The following PRKCZ variants were observed in gnomAD, a reference collection of about 807,000 sequenced individuals.
PRKCZ encodes protein kinase C zeta type.
A neutral mutation model predicts 79.5 loss-of-function variants in PRKCZ; 33 were observed. The observed-to-expected ratio is 0.41, with a 90% CI of 0.31 to 0.55. PRKCZ has a LOEUF of 0.55. Ranked by LOEUF, PRKCZ falls within the 20% of genes least tolerant of loss-of-function variation. The probability of loss-of-function intolerance (pLI) is 0.19; values close to 1 mark genes in which losing one functional copy is unlikely to be tolerated. For missense variants in PRKCZ, 578 were observed against 813.5 expected, an observed-to-expected ratio of 0.71 and a Z score of 3.52; for synonymous variants, 342 against 320.9, an observed-to-expected ratio of 1.07 and a Z score of -0.70.
At chr1:2,077,617 TGTAAG>T (rs1662684025) in intron 4 of PRKCZ, among the ~76,000 whole-genome samples, 1 of 152,226 alleles carries the variant, frequency 6.6e-6, no homozygotes, top group South Asian at 2.1e-4. Context: ...TATTTTCTAT[TGTAAG>T]GTGTTGATAG....
At chr1:2,051,327 A>G (rs558055328) in intron 1 of PRKCZ, among the ~76,000 whole-genome samples, 1 of 151,668 alleles carries the variant, frequency 6.6e-6, no homozygotes, top group African/African-American at 2.4e-5. Context: ...GGGGTCCTGG[A>G]CTCTTGGCCG....
At chr1:2,065,648 C>G (rs1165261937) in intron 4 of PRKCZ, among the ~76,000 whole-genome samples, 2 of 145,468 alleles carry the variant, frequency 1.4e-5, no homozygotes, top group Non-Finnish European at 3.0e-5. Flanking sequence ...CACTGCACTC[C>G]TGCCTGGGCA....
At chr1:2,171,962 T>C in intron 11 of PRKCZ, 93 bp from the exon 12 acceptor site, 1 of 1,445,008 alleles carries the variant, frequency 6.9e-7, no homozygotes, top group African/African-American at 1.4e-5. Flanking sequence ...GGGCCCGTGG[T>C]GGGGCAAACG....
intron 4 of PRKCZ, among the ~76,000 whole-genome samples, chr1:2,119,999 G>A (rs777217036): frequency 9.2e-5 from 14 of 152,052 alleles, no homozygotes; most frequent in Non-Finnish European, 1.9e-4. Flanking sequence ...TCTGGAGGGT[G>A]TTCTCCACTC....
In PRKCZ at chr1:2,128,460, G is replaced by A. The variant is rs113958974; in HGVS notation, c.335-6802G>A. 3.3e-5 allele frequency among the ~76,000 whole-genome samples: 5 copies of A among 152,320 alleles called. No individual in the cohort carries two copies. The highest frequency in any genetic ancestry group is 3.9e-4 in the East Asian group (2 of 5,182). ...TAGTGTTTTAAAACGTGTTTTCTAC[G>A]TCTTGTCAGAGTGCTCAAGGCGCGA... On this transcript the variant is annotated intron_variant, in intron 4 of 17. Coordinates refer to ENST00000378567, the MANE Select transcript of PRKCZ (RefSeq NM_002744.6). The surrounding 1 kb of genome is among the most constrained non-coding windows in gnomAD (Gnocchi z 6.5).
chr1:2,120,036 GT>G (rs1671547039), intron 4 of PRKCZ, among the ~76,000 whole-genome samples: 1 of 152,066 alleles, frequency 6.6e-6, no homozygotes, highest in Non-Finnish European at 1.5e-5. Flanking sequence ...CAGGTAGGGG[GT>G]TTCCCCCAAC....
In PRKCZ at chr1:2,174,877, G is replaced by A; in HGVS notation, c.1485+44G>A. On this transcript the variant is annotated intron_variant, in intron 15 of 17. Transcript: ENST00000378567. The surrounding 1 kb of genome is among the most constrained non-coding windows in gnomAD (Gnocchi z 6.2). ...TGACAAAATCTCGTTTGTGGCCTCG[G>A]TGTTGGTGGGCAGAGGGCCAGGCAC... is the stretch of plus-strand genomic sequence containing the variant. 6.3e-7 allele frequency: 1 copy of A among 1,589,510 alleles called. No homozygotes were observed. The highest frequency in any genetic ancestry group is 8.6e-7 in the Non-Finnish European group (1 of 1,158,152).
intron 1 of PRKCZ, among the ~76,000 whole-genome samples, chr1:2,053,707 G>A (rs986603890): frequency 6.6e-6 from 1 of 152,220 alleles, no homozygotes; most frequent in East Asian, 1.9e-4. Flanking sequence ...GGGGCAGGAA[G>A]AGGTCAAAGG....
At chr1:2,158,565 G>A (rs910599585) in intron 10 of PRKCZ, among the ~76,000 whole-genome samples, 8 of 152,210 alleles carry the variant, frequency 5.3e-5, no homozygotes, top group African/African-American at 9.7e-5. Context: ...CATCCCTTGC[G>A]ATTTGGGAAT....
At chr1:2,119,464 C>T (rs1425718247) in intron 4 of PRKCZ, among the ~76,000 whole-genome samples, 2 of 152,142 alleles carry the variant, frequency 1.3e-5, no homozygotes, top group African/African-American at 4.8e-5. Context: ...ATCTGTCTGC[C>T]TTGGCCTCCC....
intron 4 of PRKCZ, among the ~76,000 whole-genome samples, chr1:2,084,425 T>G (rs1249115825): frequency 1.3e-5 from 2 of 152,212 alleles, no homozygotes; most frequent in African/African-American, 4.8e-5. Flanking sequence ...CTGCCTGGTC[T>G]CTGGGACCCC....
chr1:2,180,774 C>T (rs1327343288), intron 16 of PRKCZ, among the ~76,000 whole-genome samples: 3 of 152,172 alleles, frequency 2.0e-5, no homozygotes, highest in South Asian at 2.1e-4. Flanking sequence ...GTGGTTTGGG[C>T]ACCAGGAGCC....
intron 4 of PRKCZ, among the ~76,000 whole-genome samples, chr1:2,124,535 T>G (rs1245093428): frequency 6.6e-6 from 1 of 152,070 alleles, no homozygotes; most frequent in African/African-American, 2.4e-5. Context: ...ATGGTGAGCA[T>G]GAGGCCGCCA....
At chr1:2,120,276 T>G (rs985054878) in intron 4 of PRKCZ, among the ~76,000 whole-genome samples, 1 of 144,058 alleles carries the variant, frequency 6.9e-6, no homozygotes, top group African/African-American at 2.5e-5. Flanking sequence ...TTGGAAAATA[T>G]CAGCCCTTGA....
chr1:2,060,021 A>C (rs1367950056), intron 4 of PRKCZ, among the ~76,000 whole-genome samples: 4 of 151,990 alleles, frequency 2.6e-5, no homozygotes, highest in East Asian at 3.9e-4. Context: ...GAGGAAGGAG[A>C]GTGAGTCCCG....
intron 4 of PRKCZ, among the ~76,000 whole-genome samples, chr1:2,134,523 C>A (rs1388555089): frequency 6.6e-6 from 1 of 152,214 alleles, no homozygotes; most frequent in East Asian, 1.9e-4. Flanking sequence ...GACCAGCCGT[C>A]TGGTTACAGG....
At chr1:2,085,726 C>T (rs1206670253) in intron 4 of PRKCZ, among the ~76,000 whole-genome samples, 16 of 138,694 alleles carry the variant, frequency 1.2e-4, no homozygotes, top group Non-Finnish European at 1.9e-4. Context: ...TCTCAGAGCC[C>T]GTGAGGCACC....
chr1:2,164,256 G>A (rs1024159807), intron 10 of PRKCZ, among the ~76,000 whole-genome samples: 1 of 152,220 alleles, frequency 6.6e-6, no homozygotes, highest in South Asian at 2.1e-4. Flanking sequence ...AGGCCTTGGG[G>A]GTACACAACC....
At chr1:2,175,493 A>T (rs1419547690) in intron 16 of PRKCZ, among the ~76,000 whole-genome samples, 180 bp downstream of exon 16, 1 of 30,038 alleles carries the variant, frequency 3.3e-5, no homozygotes, top group African/African-American at 1.4e-4. Context: ...CCCAACCCCC[A>T]GCCCAACTCC....
Sources: gnomAD v4.1 joint callset for allele counts (sites outside exome capture counted in the v4.1 genomes callset) on GRCh38, gnomAD v4.1.1 for gene constraint, Gnocchi (gnomAD v3.1) non-coding constraint, MANE v1.5 for transcripts, NCBI Gene and HGNC (gene_info 2026-07-23, HGNC 2026-07-21) for gene names.